Variants in IGSF11 observed in about 807,000 individuals in gnomAD.
IGSF11 encodes immunoglobulin superfamily member 11.
Under a neutral mutation model 41.0 loss-of-function variants are expected in IGSF11, and 22 were observed. The ratio of observed to expected loss-of-function variants is 0.54; its 90% confidence interval spans 0.38 to 0.77. The LOEUF (loss-of-function observed/expected upper bound fraction) is 0.77, where lower values mean the gene tolerates loss of function less well. IGSF11 is among the 30% of genes least tolerant of loss of function. The pLI, the probability that IGSF11 is intolerant of heterozygous loss-of-function variation, is 0.00. For missense variants in IGSF11, 444 were observed against 530.8 expected, an observed-to-expected ratio of 0.84 and a Z score of 1.61; for synonymous variants, 219 against 201.3, an observed-to-expected ratio of 1.09 and a Z score of -0.74.
At chr3:119,007,594 A>C (rs924360133) in intron 1 of IGSF11, among the ~76,000 whole-genome samples, 1 of 151,912 alleles carries the variant, frequency 6.6e-6, no homozygotes, top group Non-Finnish European at 1.5e-5. Flanking sequence ...TTCTCCCCCA[A>C]CCATCTCAGA....
chr3:118,994,772 G>A (rs1196587686), intron 1 of IGSF11, among the ~76,000 whole-genome samples: 1 of 152,168 alleles, frequency 6.6e-6, no homozygotes, highest in Admixed American at 6.5e-5. Context: ...CAAACTACAG[G>A]AATAAGCATG....
intron 4 of IGSF11, among the ~76,000 whole-genome samples, chr3:118,923,950 G>A (rs1055655918): frequency 5.3e-5 from 8 of 152,008 alleles, no homozygotes; most frequent in Non-Finnish European, 1.2e-4. Context: ...TTACTTTTTT[G>A]TCATTAATAA....
At chr3:119,032,919 A>G (rs995391091) in intron 1 of IGSF11, among the ~76,000 whole-genome samples, 7 of 152,228 alleles carry the variant, frequency 4.6e-5, no homozygotes, top group Admixed American at 6.5e-5. Context: ...GGCTCTGTAA[A>G]TATCTGTTGA....
exon 1 of IGSF11, chr3:119,145,855 T>A (rs989352141): frequency 3.6e-5 from 9 of 249,730 alleles, no homozygotes. Flanking sequence ...AGAACCTCTG[T>A]GAACAAGGAA....
chr3:119,143,122 T>C (rs529469427), intron 1 of IGSF11, among the ~76,000 whole-genome samples: 34 of 152,220 alleles, frequency 2.2e-4, no homozygotes, highest in African/African-American at 7.7e-4. Context: ...ATGAAAGATA[T>C]AGTAACTTGA....
chr3:118,982,526 T>C (rs1204651937), intron 1 of IGSF11, among the ~76,000 whole-genome samples: 4 of 152,190 alleles, frequency 2.6e-5, no homozygotes, highest in Non-Finnish European at 4.4e-5. Context: ...AAGAAAATTC[T>C]ATTATAGGAT....
At chr3:118,998,150 TG>T (rs1386533219) in intron 1 of IGSF11, among the ~76,000 whole-genome samples, 4 of 152,180 alleles carry the variant, frequency 2.6e-5, no homozygotes, top group Admixed American at 2.6e-4. Flanking sequence ...CCAGGGAATG[TG>T]TACAACAGTA....
intron 4 of IGSF11, among the ~76,000 whole-genome samples, chr3:118,917,720 C>G (rs1223435107): frequency 1.4e-5 from 2 of 146,076 alleles, no homozygotes; most frequent in South Asian, 2.3e-4. Flanking sequence ...CTATTCCAAT[C>G]AATAGAAAAA....
At chr3:118,913,934 G>A (rs543038868) in intron 4 of IGSF11, among the ~76,000 whole-genome samples, 1 of 152,194 alleles carries the variant, frequency 6.6e-6, no homozygotes, top group African/African-American at 2.4e-5. Context: ...TGAATGAAAA[G>A]GTCCAAAAAA....
chr3:119,016,286 T>G (rs1010276632), intron 1 of IGSF11, among the ~76,000 whole-genome samples: 2 of 152,216 alleles, frequency 1.3e-5, no homozygotes, highest in Non-Finnish European at 2.9e-5. Context: ...GCATATGGCA[T>G]GTGTTCAAAG....
At position 118,914,275 on chromosome 3, in the gene IGSF11, G is replaced by C. The variant is rs1378542915; in HGVS notation, c.581-8557C>G. ...GAGCCAAGATGGCCGAATAGGAACAGCTCCGGTCTACAGCTCCCAGCGTGA... is the reference window on the plus strand; with the variant it reads ...GAGCCAAGATGGCCGAATAGGAACACCTCCGGTCTACAGCTCCCAGCGTGA... On this transcript the variant is annotated intron_variant, in intron 4 of 6. Transcript: ENST00000393775. 3.9e-5 allele frequency among the ~76,000 whole-genome samples: 6 copies of C among 152,176 alleles called. No homozygotes were observed. In the East Asian group the frequency reaches 5.8e-4, roughly 15 times the overall value.
At chr3:118,911,225 C>T (rs187858334) in intron 4 of IGSF11, among the ~76,000 whole-genome samples, 111 of 151,874 alleles carry the variant, frequency 7.3e-4, no homozygotes, top group African/African-American at 2.5e-3. Flanking sequence ...GTACTGAACA[C>T]TATATGGGGT....
Position 119,103,383 on chromosome 3 carries a change from CT to C in IGSF11, c.49+1760del, listed in dbSNP as rs942169201. Among the ~76,000 whole-genome samples the C allele has an allele frequency of 4.3e-3, 627 of 145,886 alleles. 1 individual carries two copies. Among genetic ancestry groups the C allele is most frequent in the African/African-American group, 0.01 (410 of 40,188 alleles). ...TTTGGTGTCTACTGTTCCTTTCCTT[CT>C]TTTTTTTTTTATACTTATACAAATC... is the stretch of plus-strand genomic sequence containing the variant. On this transcript the variant is annotated intron_variant, in intron 1 of 6. Transcript: ENST00000354673.
At chr3:119,144,264 G>A in intron 1 of IGSF11, among the ~76,000 whole-genome samples, 1 of 152,060 alleles carries the variant, frequency 6.6e-6, no homozygotes, top group South Asian at 2.1e-4. Flanking sequence ...CTAGACAGAA[G>A]GCCAGTAAGA....
intron 1 of IGSF11, among the ~76,000 whole-genome samples, chr3:118,975,424 A>G (rs1490936079): frequency 6.6e-6 from 1 of 151,978 alleles, no homozygotes; most frequent in East Asian, 1.9e-4. Context: ...ATTGAATCAT[A>G]TACTTCCACA....
intron 1 of IGSF11, among the ~76,000 whole-genome samples, chr3:118,976,136 G>A (rs1934074132): frequency 6.6e-6 from 1 of 152,106 alleles, no homozygotes; most frequent in South Asian, 2.1e-4. Context: ...GGCAGTTTAA[G>A]CTGTATGCAT....
chr3:118,935,823 T>C (rs959181383), intron 1 of IGSF11, among the ~76,000 whole-genome samples: 2 of 152,166 alleles, frequency 1.3e-5, no homozygotes, highest in African/African-American at 4.8e-5. Flanking sequence ...TAATTCTGTA[T>C]ATAAATTAAG....
chr3:118,958,468 T>G (rs1030409774), intron 1 of IGSF11, among the ~76,000 whole-genome samples: 11 of 152,350 alleles, frequency 7.2e-5, no homozygotes, highest in African/African-American at 2.6e-4. Flanking sequence ...ATGAGGACTA[T>G]GGCCAGGAAT....
chr3:118,930,394 C>T, intron 1 of IGSF11, 119 bp from the exon 2 acceptor site: 2 of 964,668 alleles, frequency 2.1e-6, no homozygotes, highest in Non-Finnish European at 1.5e-6. Flanking sequence ...AACAGACTGA[C>T]ATGATAGTCT....
Sources: gnomAD v4.1 joint callset for allele counts (sites outside exome capture counted in the v4.1 genomes callset) on GRCh38, gnomAD v4.1.1 for gene constraint, MANE v1.5 for transcripts, NCBI Gene and HGNC (gene_info 2026-07-23, HGNC 2026-07-21) for gene names.